The following IQSEC1 variants were observed in gnomAD, a reference collection of about 807,000 sequenced individuals.
IQSEC1 encodes the protein IQ motif and Sec7 domain ArfGEF 1.
A neutral mutation model predicts 91.0 loss-of-function variants in IQSEC1; 31 were observed. The ratio of observed to expected loss-of-function variants is 0.34; its 90% confidence interval spans 0.26 to 0.46. The LOEUF is 0.46. IQSEC1 is among the 20% of genes least tolerant of loss of function. The probability of loss-of-function intolerance (pLI) is 1.00; values close to 1 mark genes in which losing one functional copy is unlikely to be tolerated. For synonymous variants in IQSEC1, 699 were observed against 662.6 expected (o/e 1.05, Z -0.84); for missense variants, 1,388 against 1,575.6 (o/e 0.88, Z 2.02).
rs1040206533 is a variant in IQSEC1 at position 13,136,626 on chromosome 3, G to A, written c.302+27478C>T. 3.9e-5 allele frequency among the ~76,000 whole-genome samples: 6 copies of A among 152,304 alleles called. No individual in the cohort carries two copies. The East Asian group carries it at 7.7e-4, about 20-fold the overall frequency. ...TTACAAAGGCTAATCGGGCATTTCC[G>A]AGAGGAGGAAACAGGGACAGCAAAT... On this transcript the variant is annotated intron_variant, in intron 2 of 15. Transcript: ENST00000648114.
rs573729276 is a variant in IQSEC1 at position 13,123,594 on chromosome 3, C to T, written c.302+40510G>A. Among the ~76,000 whole-genome samples, 3 of 152,348 alleles carry T rather than the reference C, an allele frequency of 2.0e-5. No individual in the cohort carries two copies. The South Asian group carries it at 6.2e-4, about 32-fold the overall frequency. ...AAATGATTGGCTGAAACTTTAGGTA[C>T]CCAAGTGCCACCAGCCAGCCTTTGT... On this transcript the variant is annotated intron_variant, in intron 2 of 15. Transcript: ENST00000648114.
Position 13,139,650 on chromosome 3 carries a change from C to T in IQSEC1, c.302+24454G>A, listed in dbSNP as rs921998931. ...TTCGTTTTATGAAAATTTTAAATGACAGCTGGGGCTCTGTTCTCAGAAGTC... is the reference window on the plus strand; with the variant it reads ...TTCGTTTTATGAAAATTTTAAATGATAGCTGGGGCTCTGTTCTCAGAAGTC... On this transcript the variant is annotated intron_variant, in intron 2 of 15. Transcript: ENST00000648114. 9.2e-5 allele frequency among the ~76,000 whole-genome samples: 14 copies of T among 152,322 alleles called. No homozygotes were observed. In the East Asian group the frequency reaches 2.5e-3, roughly 27 times the overall value.
At chr3:13,062,276 C>T (rs1039625064) in intron 1 of IQSEC1, among the ~76,000 whole-genome samples, 4 of 152,132 alleles carry the variant, frequency 2.6e-5, no homozygotes, top group South Asian at 2.1e-4. Flanking sequence ...AGCCCTGTGC[C>T]GTGAGAATCC....
At chr3:13,184,397 AG>A (rs1693895763) in intron 1 of IQSEC1, among the ~76,000 whole-genome samples, 1 of 152,270 alleles carries the variant, frequency 6.6e-6, no homozygotes, top group Non-Finnish European at 1.5e-5. Flanking sequence ...AAGCCTTGAC[AG>A]TATTCAACAC....
chr3:13,106,095 C>G (rs1175168701), intron 2 of IQSEC1, among the ~76,000 whole-genome samples: 1 of 152,118 alleles, frequency 6.6e-6, no homozygotes, highest in Non-Finnish European at 1.5e-5. Flanking sequence ...TGGAGCAGAG[C>G]CCCCCAGCTT....
At chr3:13,216,828 C>T (rs1022768861) in intron 1 of IQSEC1, among the ~76,000 whole-genome samples, 3 of 152,216 alleles carry the variant, frequency 2.0e-5, no homozygotes, top group Non-Finnish European at 2.9e-5. Context: ...ACATGGAATA[C>T]ACACATTTAA....
intron 1 of IQSEC1, among the ~76,000 whole-genome samples, chr3:13,245,825 A>C (rs1559285432): frequency 6.6e-6 from 1 of 151,344 alleles, no homozygotes; most frequent in Non-Finnish European, 1.5e-5. Context: ...GCCGTTTCGC[A>C]ATCACCCCAC....
In IQSEC1 at chr3:13,193,710, C is replaced by T. The variant is rs1694075616; in HGVS notation, c.273-29577G>A. Among the ~76,000 whole-genome samples the T allele has an allele frequency of 6.6e-6, 1 of 152,096 alleles. No homozygotes were observed. The highest frequency in any genetic ancestry group is 2.4e-5 in the African/African-American group (1 of 41,416). ...CCAAAGGCTGATGTCAGAGCTTAAG[C>T]CTCCCTCCTCCAACGGGCTCTCCCT... is the stretch of plus-strand genomic sequence containing the variant. On this transcript the variant is annotated intron_variant, in intron 1 of 15. Coordinates refer to the IQSEC1 transcript ENST00000648114. The surrounding 1 kb of genome is among the most constrained non-coding windows in gnomAD (Gnocchi z 4.2).
At chr3:12,917,141 G>A (rs1696170294) in intron 6 of IQSEC1, among the ~76,000 whole-genome samples, 1 of 152,056 alleles carries the variant, frequency 6.6e-6, no homozygotes, top group Non-Finnish European at 1.5e-5. Flanking sequence ...GCAGAAGGCA[G>A]ACTTCCCATG....
At chr3:13,280,054 T>G (rs1695760473) in intron 1 of IQSEC1, among the ~76,000 whole-genome samples, 1 of 152,084 alleles carries the variant, frequency 6.6e-6, no homozygotes, top group Non-Finnish European at 1.5e-5. Context: ...CATGCCCATC[T>G]TTGCTTAATT....
At chr3:13,158,938 G>C (rs1007638124) in intron 2 of IQSEC1, among the ~76,000 whole-genome samples, 4 of 151,948 alleles carry the variant, frequency 2.6e-5, no homozygotes, top group Admixed American at 6.6e-5. Context: ...TTCCAGCCTG[G>C]GTGACAGAGT....
chr3:13,113,336 A>C (rs1706281999), intron 2 of IQSEC1, among the ~76,000 whole-genome samples: 1 of 152,216 alleles, frequency 6.6e-6, no homozygotes, highest in South Asian at 2.1e-4. Context: ...ATAGGCCCTG[A>C]GGCCAATCTG....
At chr3:13,071,865 C>T (rs932687092) in intron 1 of IQSEC1, among the ~76,000 whole-genome samples, 3 of 151,382 alleles carry the variant, frequency 2.0e-5, no homozygotes, top group Non-Finnish European at 4.4e-5. Flanking sequence ...CCGCCATCCC[C>T]CGAACCAGAG....
chr3:12,950,018 G>T (rs1559663041), intron 1 of IQSEC1, among the ~76,000 whole-genome samples: 1 of 152,222 alleles, frequency 6.6e-6, no homozygotes, highest in African/African-American at 2.4e-5. Context: ...GGGCTGATGT[G>T]GCTGGGGCTG....
intron 2 of IQSEC1, among the ~76,000 whole-genome samples, chr3:13,084,550 A>G (rs1442826599): frequency 1.3e-5 from 2 of 152,186 alleles, no homozygotes; most frequent in African/African-American, 2.4e-5. Flanking sequence ...ACATCAGATG[A>G]TGACGGGTGC....
At chr3:12,981,580 A>G (rs1701465204) in intron 1 of IQSEC1, among the ~76,000 whole-genome samples, 1 of 152,248 alleles carries the variant, frequency 6.6e-6, no homozygotes, top group Admixed American at 6.5e-5. Context: ...TATCTTTTGA[A>G]TTGTAAACCA....
intron 2 of IQSEC1, among the ~76,000 whole-genome samples, chr3:13,124,159 G>C (rs1706472861): frequency 6.6e-6 from 1 of 152,210 alleles, no homozygotes; most frequent in African/African-American, 2.4e-5. Context: ...CTGGCTGTGA[G>C]TGCAGACAGC....
chr3:13,176,416 C>A (rs1397566806), intron 1 of IQSEC1, among the ~76,000 whole-genome samples: 1 of 152,226 alleles, frequency 6.6e-6, no homozygotes, highest in Non-Finnish European at 1.5e-5. Flanking sequence ...GAGACACCTT[C>A]TTCCACCCTT....
At chr3:13,192,478 C>T (rs529821979) in intron 1 of IQSEC1, among the ~76,000 whole-genome samples, 3 of 152,292 alleles carry the variant, frequency 2.0e-5, no homozygotes, top group African/African-American at 7.2e-5. Context: ...CAGAGATGCA[C>T]GCAGGGACGG....
Sources: allele counts gnomAD v4.1 joint callset (sites outside exome capture counted in the v4.1 genomes callset), GRCh38; gene constraint gnomAD v4.1.1; non-coding constraint Gnocchi (gnomAD v3.1); transcripts MANE v1.5; gene names NCBI Gene and HGNC (gene_info 2026-07-23, HGNC 2026-07-21).